The following MMD2 variants were observed in gnomAD, a reference collection of about 807,000 sequenced individuals.
The protein encoded by MMD2 is monocyte to macrophage differentiation associated 2, also known as monocyte to macrophage differentiation factor 2.
A neutral mutation model predicts 33.5 loss-of-function variants in MMD2; 30 were observed. The observed-to-expected ratio is 0.90, with a 90% confidence interval of 0.67 to 1.22. MMD2 has a LOEUF of 1.22. MMD2 is among the 50% of genes most tolerant of loss of function. The probability of loss-of-function intolerance (pLI) is 0.00; values close to 1 mark genes in which losing one functional copy is unlikely to be tolerated. For synonymous variants in MMD2, 129 were observed against 123.0 expected (o/e 1.05, Z -0.32); for missense variants, 364 against 325.4 (o/e 1.12, Z -0.91).
At chr7:4,925,000 G>C (rs528040198) in intron 2 of MMD2, among the ~76,000 whole-genome samples, 2 of 152,032 alleles carry the variant, frequency 1.3e-5, no homozygotes, top group Non-Finnish European at 2.9e-5. Context: ...GCATGATCTC[G>C]GCTCACTGCA....
At chr7:4,895,059 T>G in the MMD2 span, among the ~76,000 whole-genome samples, 3 of 150,298 alleles carry the variant, frequency 2.0e-5, no homozygotes, top group Middle Eastern at 3.2e-3. Context: ...CATCCCCGAC[T>G]GCTTGCATCA....
chr7:4,920,139 C>G, intron 3 of MMD2, 32 bp downstream of exon 3: 2 of 1,548,314 alleles, frequency 1.3e-6, no homozygotes, highest in Non-Finnish European at 1.7e-6. Flanking sequence ...CGACCCCCTA[C>G]CCGGCATGGG....
At chr7:4,936,598 G>A (rs1231081598) in intron 1 of MMD2, among the ~76,000 whole-genome samples, 1 of 152,080 alleles carries the variant, frequency 6.6e-6, no homozygotes, top group Non-Finnish European at 1.5e-5. Context: ...TCACTGTGTT[G>A]CTCAGGCTGG....
intron 1 of MMD2, among the ~76,000 whole-genome samples, chr7:4,939,474 T>C (rs141623687): frequency 3.2e-3 from 489 of 151,896 alleles, no homozygotes; most frequent in Non-Finnish European, 5.7e-3. Flanking sequence ...ACCCAGGAAT[T>C]TGAGGCAACA....
At chr7:4,950,349 C>G (rs1293665905) in intron 1 of MMD2, among the ~76,000 whole-genome samples, 1 of 152,184 alleles carries the variant, frequency 6.6e-6, no homozygotes, top group African/African-American at 2.4e-5. Flanking sequence ...CCGCCTGCCT[C>G]GGCCTTCCAA....
intron 6 of MMD2, 185 bp downstream of exon 6, chr7:4,909,695 CA>C: frequency 1.2e-6 from 1 of 813,818 alleles, no homozygotes; most frequent in Non-Finnish European, 2.1e-6. Context: ...CTCAGCCTCC[CA>C]AAGGACTGGA....
chr7:4,896,147 A>G, the MMD2 span, among the ~76,000 whole-genome samples: 1 of 152,108 alleles, frequency 6.6e-6, no homozygotes, highest in African/African-American at 2.4e-5. Context: ...CTACATTTTT[A>G]TTATTGATTT....
intron 1 of MMD2, among the ~76,000 whole-genome samples, chr7:4,948,398 C>G (rs1221890442): frequency 6.6e-6 from 1 of 152,108 alleles, no homozygotes; most frequent in African/African-American, 2.4e-5. Context: ...GCGCACATGC[C>G]TGTAGTACCA....
chr7:4,938,060 G>A (rs781509435), intron 1 of MMD2, among the ~76,000 whole-genome samples: 76 of 114,744 alleles, frequency 6.6e-4, no homozygotes, highest in Non-Finnish European at 1.1e-3. Flanking sequence ...TGCCCAGGCT[G>A]GAGTGCAATG....
intron 1 of MMD2, among the ~76,000 whole-genome samples, chr7:4,926,480 G>A (rs1562484178): frequency 6.6e-6 from 1 of 151,942 alleles, no homozygotes; most frequent in South Asian, 2.1e-4. Context: ...TTACAGATGC[G>A]TAGACCCACT....
chr7:4,923,431 T>G (rs1785337624), intron 2 of MMD2, among the ~76,000 whole-genome samples: 1 of 152,094 alleles, frequency 6.6e-6, no homozygotes, highest in Non-Finnish European at 1.5e-5. Context: ...CTCAGGAGTG[T>G]GCTGTCAAAG....
At chr7:4,928,383 G>T (rs1785487854) in intron 1 of MMD2, among the ~76,000 whole-genome samples, 1 of 151,958 alleles carries the variant, frequency 6.6e-6, no homozygotes, top group Admixed American at 6.6e-5. Context: ...CAAGACCCTG[G>T]AACATTCGCT....
intron 1 of MMD2, among the ~76,000 whole-genome samples, chr7:4,945,176 C>G (rs1483068218): frequency 1.5e-5 from 2 of 133,486 alleles, no homozygotes; most frequent in Non-Finnish European, 3.3e-5. Flanking sequence ...CTTCTTCCTC[C>G]TCTTCCTCTT....
downstream of MMD2, among the ~76,000 whole-genome samples, chr7:4,902,959 G>A (rs1457677850): frequency 6.6e-6 from 1 of 152,160 alleles, no homozygotes; most frequent in Non-Finnish European, 1.5e-5. Context: ...AAGAGAGTTT[G>A]GGATATGGTG....
At chr7:4,937,016 G>A (rs954168197) in intron 1 of MMD2, among the ~76,000 whole-genome samples, 10 of 151,450 alleles carry the variant, frequency 6.6e-5, no homozygotes, top group South Asian at 2.1e-4. Flanking sequence ...AATTACAGGC[G>A]TGAGCCACCA....
chr7:4,949,661 G>C (rs575965580), intron 1 of MMD2, among the ~76,000 whole-genome samples: 5 of 151,696 alleles, frequency 3.3e-5, no homozygotes, highest in African/African-American at 1.2e-4. Flanking sequence ...ACAGGCACCC[G>C]CCACCACACC....
intron 1 of MMD2, among the ~76,000 whole-genome samples, chr7:4,925,946 T>G (rs373744711): frequency 1.3e-5 from 2 of 152,292 alleles, no homozygotes; most frequent in East Asian, 3.9e-4. Flanking sequence ...CCTGAGTAGC[T>G]GGGCGTGTGC....
chr7:4,901,043 G>A (rs1435236023), downstream of MMD2, among the ~76,000 whole-genome samples: 1 of 151,998 alleles, frequency 6.6e-6, no homozygotes, highest in Admixed American at 6.6e-5. Flanking sequence ...GGGAGGCTGA[G>A]GCACAAGAAT....
intron 1 of MMD2, among the ~76,000 whole-genome samples, chr7:4,957,903 C>A (rs1370837896): frequency 1.3e-5 from 2 of 152,194 alleles, no homozygotes; most frequent in African/African-American, 4.8e-5. Context: ...TCTTGTCAAG[C>A]TGTGCTCAAT....
Sources: allele counts gnomAD v4.1 joint callset (sites outside exome capture counted in the v4.1 genomes callset), GRCh38; gene constraint gnomAD v4.1.1; transcripts MANE v1.5; gene names NCBI Gene and HGNC (gene_info 2026-07-23, HGNC 2026-07-21).